Variants in GREB1 observed in about 807,000 individuals in gnomAD.
GREB1 encodes the protein growth regulating estrogen receptor binding 1, also known as protein GREB1.
Under a neutral mutation model 200.7 loss-of-function variants are expected in GREB1, and 106 were observed. The ratio of observed to expected loss-of-function variants is 0.53; its 90% confidence interval spans 0.45 to 0.62. The LOEUF is 0.62. Ranked by LOEUF, GREB1 falls within the 20% of genes least tolerant of loss-of-function variation. The probability of loss-of-function intolerance (pLI) is 0.00; values close to 1 mark genes in which losing one functional copy is unlikely to be tolerated. For missense variants in GREB1, 2,243 were observed against 2,556.8 expected, an observed-to-expected ratio of 0.88 and a Z score of 2.65; for synonymous variants, 1,132 against 1,092.4, an observed-to-expected ratio of 1.04 and a Z score of -0.72.
chr2:11,580,662 C>T lies in GREB1; in HGVS notation c.773-42C>T, dbSNP rs1261276241. 6.4e-7 allele frequency: 1 copy of T among 1,573,306 alleles called. No individual in the cohort carries two copies. Among genetic ancestry groups the T allele is most frequent in the South Asian group, 1.2e-5 (1 of 83,780 alleles). On this transcript the variant is annotated intron_variant, in intron 6 of 32. Transcript: ENST00000381486. The surrounding 1 kb of genome is among the most constrained non-coding windows in gnomAD (Gnocchi z 4.5). ...CTCCTTGCCTGGCTCCCAGGGCATT[C>T]TTGTGAACTGACCCTCCTCTTTGCC...
At position 11,615,075 on chromosome 2, in the gene GREB1, T is replaced by A. The variant is rs1198712900; in HGVS notation, c.3123-16T>A. On this transcript the variant is annotated splice_polypyrimidine_tract_variant and intron_variant, in intron 19 of 32. Coordinates refer to ENST00000381486, the MANE Select transcript of GREB1 (RefSeq NM_014668.4). ...TGGAAGGCACTAAACAGACACCTTC[T>A]TCTGTGTCTTGCTAGGTCTTTGAGG... 7 of 1,594,348 alleles carry A rather than the reference T, an allele frequency of 4.4e-6. No homozygotes were observed. Among genetic ancestry groups the A allele is most frequent in the Non-Finnish European group, 6.0e-6 (7 of 1,162,066 alleles).
intron 17 of GREB1, among the ~76,000 whole-genome samples, chr2:11,604,691 C>G (rs1409252452): frequency 1.3e-5 from 2 of 152,212 alleles, no homozygotes; most frequent in African/African-American, 4.8e-5. Flanking sequence ...CTTCATGCAG[C>G]CTGTTGGTGG....
At chr2:11,572,355 T>C (rs1277273988) in intron 4 of GREB1, among the ~76,000 whole-genome samples, 2 of 151,974 alleles carry the variant, frequency 1.3e-5, no homozygotes, top group Non-Finnish European at 2.9e-5. Context: ...ATCCCTGAGG[T>C]TTTGTGGGAG....
rs370466815 is a variant in GREB1, at chr2:11,588,945, A to G, written c.1345+14A>G. On this transcript the variant is annotated intron_variant, in intron 10 of 32. Coordinates refer to ENST00000381486, the MANE Select transcript of GREB1 (RefSeq NM_014668.4). The stretch of plus-strand genomic sequence containing the variant: ...TGGTCCAGCTGGGTGAGTCACCTCC[A>G]CCTCCTGGCCCAGTGGCAGGGAGTG... The G allele has an allele frequency of 1.2e-4, 190 of 1,610,148 alleles. 1 individual carries two copies. In the African/African-American group the frequency reaches 2.3e-3, roughly 20 times the overall value.
chr2:11,615,228 T>G lies in GREB1; in HGVS notation c.3260T>G (p.Leu1087Trp). 6.2e-7 allele frequency: 1 copy of G among 1,612,912 alleles called. No individual in the cohort carries two copies. The highest frequency in any genetic ancestry group is 8.5e-7 in the Non-Finnish European group (1 of 1,179,436). The change falls in exon 20 of 33, where the codon TTG becomes TGG. Residue 1087 changes from leucine to tryptophan, a missense_variant. By Grantham distance (61) the Leu-to-Trp change is moderately conservative. Coordinates refer to ENST00000381486, the MANE Select transcript of GREB1 (RefSeq NM_014668.4). Reference sequence around the variant, plus strand: ...GAGAAGGGGGCTAGGAACGAGGCCTTGGAGAGTGATGCTGAGAAGCTGAGC... The same window carrying G: ...GAGAAGGGGGCTAGGAACGAGGCCTGGGAGAGTGATGCTGAGAAGCTGAGC... Reference protein sequence around the residue: ...PLEKGARNEALESDAEKLSST... With the variant: ...PLEKGARNEAWESDAEKLSST...
chr2:11,614,123 A>C (rs1683176795), intron 19 of GREB1, among the ~76,000 whole-genome samples: 1 of 123,810 alleles, frequency 8.1e-6, no homozygotes, highest in East Asian at 2.4e-4. Flanking sequence ...CAGCGGACTT[A>C]GATTTTTTTT....
chr2:11,600,396 C>G lies in GREB1; in HGVS notation c.2334-404C>G, dbSNP rs189885073. Among the ~76,000 whole-genome samples, 26 of 152,268 alleles carry G rather than the reference C, an allele frequency of 1.7e-4. 1 individual carries two copies. The highest frequency in any genetic ancestry group is 1.1e-3 in the Admixed American group (17 of 15,300). On this transcript the variant is annotated intron_variant, in intron 15 of 32. Transcript: ENST00000381486. ...CCTTTTAAACTGACTATAGAATTTA[C>G]TCTTTTACATCTTTTCTGGATCATT...
In GREB1 at chr2:11,610,743, G is replaced by A. The variant is rs770933206; in HGVS notation, c.2722G>A (p.Ala908Thr). ...IRTFVLVQHY[A>T]AALMAVSGLP... ...GACCTTTGTTCTCGTGCAGCACTACGCGGCCGCCCTGATGGCCGTAAGCGG... is the reference window on the plus strand; with the variant it reads ...GACCTTTGTTCTCGTGCAGCACTACACGGCCGCCCTGATGGCCGTAAGCGG... Residue 908 changes from alanine (A) to threonine (T), a missense_variant, in exon 18 of 33, where the codon GCG becomes ACG. Around this residue, in one of 3 missense-constraint regions of GREB1, gnomAD observed 1,178 missense variants for 1,387.4 expected, o/e 0.85. Transcript: ENST00000381486. The A allele has an allele frequency of 3.7e-6, 6 of 1,613,506 alleles. No individual in the cohort carries two copies. Among genetic ancestry groups the A allele is most frequent in the East Asian group, 2.2e-5 (1 of 44,882 alleles).
rs1484718114 is a variant in GREB1 at position 11,493,420 on chromosome 2, C to T, written c.-159+11039C>T. On this transcript the variant is annotated intron_variant, in intron 1 of 2. Transcript: ENST00000628795. This position sits in a 1 kb window ranked among gnomAD's most constrained non-coding sequence, Gnocchi z 4.6. Reference sequence around the variant, plus strand: ...GCAGTTCACAATAGGGTTTGAGCTCCTATGAGAATCTGATGCTGCCACTGA... The same window carrying T: ...GCAGTTCACAATAGGGTTTGAGCTCTTATGAGAATCTGATGCTGCCACTGA... 6.6e-6 allele frequency among the ~76,000 whole-genome samples: 1 copy of T among 152,126 alleles called. No homozygotes were observed. Among genetic ancestry groups the T allele is most frequent in the Admixed American group, 6.5e-5 (1 of 15,278 alleles).
chr2:11,533,084 A>C (rs1186504589), upstream of GREB1, among the ~76,000 whole-genome samples: 3 of 152,232 alleles, frequency 2.0e-5, no homozygotes, highest in Non-Finnish European at 4.4e-5. Context: ...AATGGGAGAG[A>C]AATGCAAGAA....
rs753802398 is a variant in GREB1, at chr2:11,618,907, C to T, written c.4032C>T (p.Ser1344=). The T allele has an allele frequency of 2.6e-5, 39 of 1,523,852 alleles. No homozygotes were observed. The highest frequency in any genetic ancestry group is 1.7e-4 in the Middle Eastern group (1 of 5,790). The allele number at this position is 1,523,852 out of a possible 1,614,324, so 94.4% of individuals were successfully genotyped here. The change falls in exon 22 of 33, where the codon AGC becomes AGT. Residue 1344 remains serine, a synonymous_variant. Coordinates refer to ENST00000381486, the MANE Select transcript of GREB1 (RefSeq NM_014668.4). ...DGFHPRRLLL[S]GPPQIGKTGA... ...TCCACCCCCGCAGGCTGCTGCTCAG[C>T]GGCCCCCCTCAGGTGAGTGTTGCTC...
intron 11 of GREB1, among the ~76,000 whole-genome samples, chr2:11,594,131 C>T (rs1245638497): frequency 6.6e-6 from 1 of 152,102 alleles, no homozygotes. Context: ...AGCCTCCATC[C>T]GGAGTAGCTG....
chr2:11,566,421 CT>C, intron 3 of GREB1, 58 bp from the exon 4 acceptor site: 1 of 1,521,160 alleles, frequency 6.6e-7, no homozygotes, highest in South Asian at 1.3e-5. Flanking sequence ...CCCTTTGCCC[CT>C]GTGACCCCGC....
At chr2:11,621,589 CCT>C (rs2148373606) in intron 23 of GREB1, among the ~76,000 whole-genome samples, 1 of 152,294 alleles carries the variant, frequency 6.6e-6, no homozygotes, top group Admixed American at 6.5e-5. Flanking sequence ...AATAACCTCC[CCT>C]GTTTCCTCCT....
At chr2:11,572,111 T>G (rs1229783390) in intron 4 of GREB1, among the ~76,000 whole-genome samples, 1 of 152,246 alleles carries the variant, frequency 6.6e-6, no homozygotes, top group Non-Finnish European at 1.5e-5. Flanking sequence ...ATTTGTCAGA[T>G]TTGCATTTTT....
In GREB1 at chr2:11,580,670, C is replaced by T. The variant is rs1429317516; in HGVS notation, c.773-34C>T. 1.3e-6 allele frequency: 2 copies of T among 1,582,234 alleles called. No individual in the cohort carries two copies. Among genetic ancestry groups the T allele is most frequent in the Non-Finnish European group, 8.6e-7 (1 of 1,161,940 alleles). ...CTGGCTCCCAGGGCATTCTTGTGAA[C>T]TGACCCTCCTCTTTGCCTTCTATCT... is the stretch of plus-strand genomic sequence containing the variant. On this transcript the variant is annotated intron_variant, in intron 6 of 32. Transcript: ENST00000381486. This position sits in a 1 kb window ranked among gnomAD's most constrained non-coding sequence, Gnocchi z 4.5.
intron 17 of GREB1, among the ~76,000 whole-genome samples, chr2:11,607,428 A>G (rs540198707): frequency 5.3e-4 from 56 of 104,874 alleles, no homozygotes; most frequent in Non-Finnish European, 7.7e-4. Context: ...CAGTATATGT[A>G]TGTGTGTGTG....
chr2:11,629,863 G>A lies in GREB1; in HGVS notation c.4450-85G>A, dbSNP rs949432331. The A allele has an allele frequency of 1.7e-5, 23 of 1,350,952 alleles. No individual in the cohort carries two copies. The highest frequency in any genetic ancestry group is 2.9e-5 in the African/African-American group (2 of 69,838). 83.7% of individuals were successfully genotyped at this position (1,350,952 alleles called of 1,614,324 possible). Reference sequence around the variant, plus strand: ...GGGAAGTGGTGACTGTGAGCTGCACGTTGTCACAGCAGAGTGGGCCTGGGG... The same window carrying A: ...GGGAAGTGGTGACTGTGAGCTGCACATTGTCACAGCAGAGTGGGCCTGGGG... On this transcript the variant is annotated intron_variant, in intron 25 of 32. Coordinates refer to ENST00000381486, the MANE Select transcript of GREB1 (RefSeq NM_014668.4). This position sits in a 1 kb window ranked among gnomAD's most constrained non-coding sequence, Gnocchi z 5.2.
chr2:11,547,739 T>G (rs1433232894), intron 1 of GREB1, among the ~76,000 whole-genome samples: 1 of 152,226 alleles, frequency 6.6e-6, no homozygotes, highest in Non-Finnish European at 1.5e-5. Flanking sequence ...TTTAAATTCT[T>G]TCCTTTTTTT....
Sources: allele counts gnomAD v4.1 joint callset (sites outside exome capture counted in the v4.1 genomes callset), GRCh38; gene constraint gnomAD v4.1.1; regional missense constraint gnomAD v4.1.1; non-coding constraint Gnocchi (gnomAD v3.1); transcripts MANE v1.5; gene names NCBI Gene and HGNC (gene_info 2026-07-23, HGNC 2026-07-21).